The following CRACR2A variants were observed in gnomAD, a reference collection of about 807,000 sequenced individuals.
CRACR2A encodes EF-hand calcium-binding domain-containing protein 4B.
In CRACR2A, 79 loss-of-function variants were observed where a neutral mutation model predicts 90.5. The observed-to-expected ratio is 0.87, with a 90% CI of 0.73 to 1.05. CRACR2A has a LOEUF of 1.05. CRACR2A is among the 50% of genes least tolerant of loss of function. The pLI is 0.00. For synonymous variants in CRACR2A, 338 were observed against 356.7 expected, an observed-to-expected ratio of 0.95 and a Z score of 0.59; for missense variants, 823 against 897.2, an observed-to-expected ratio of 0.92 and a Z score of 1.06.
At chr12:3,687,727 T>C (rs1945586308) in intron 4 of CRACR2A, among the ~76,000 whole-genome samples, 1 of 152,210 alleles carries the variant, frequency 6.6e-6, no homozygotes, top group Non-Finnish European at 1.5e-5. Flanking sequence ...GATTGCTGGG[T>C]CCATGGTAGT....
chr12:3,634,226 C>A (rs1462847931), intron 14 of CRACR2A, among the ~76,000 whole-genome samples: 1 of 152,140 alleles, frequency 6.6e-6, no homozygotes, highest in Non-Finnish European at 1.5e-5. Flanking sequence ...CAGAGACGTC[C>A]CAGGTTGGGA....
intron 3 of CRACR2A, 137 bp from the exon 4 acceptor site, chr12:3,697,172 T>C: frequency 9.3e-7 from 1 of 1,079,204 alleles, no homozygotes; most frequent in Non-Finnish European, 1.3e-6. Flanking sequence ...ACCTCTTAAT[T>C]AGCAAAAGCT....
chr12:3,624,637 A>C (rs1290787248), intron 17 of CRACR2A, among the ~76,000 whole-genome samples: 2 of 152,184 alleles, frequency 1.3e-5, no homozygotes, highest in Non-Finnish European at 2.9e-5. Context: ...CAGAGCTCCT[A>C]GTGTGTGCTG....
At chr12:3,632,416 C>T (rs1360238771) in intron 15 of CRACR2A, among the ~76,000 whole-genome samples, 1 of 152,210 alleles carries the variant, frequency 6.6e-6, no homozygotes, top group East Asian at 1.9e-4. Flanking sequence ...CTAAGAGGCA[C>T]CACATCCTCT....
chr12:3,664,691 A>G (rs11062756), intron 7 of CRACR2A, among the ~76,000 whole-genome samples: 30,838 of 152,156 alleles, frequency 0.2, 3,864 homozygotes, highest in East Asian at 0.43. Context: ...TATTCAACCT[A>G]TCTTCTCTTA....
At chr12:3,638,510 C>G in intron 13 of CRACR2A, 56 bp from the exon 14 acceptor site, 2 of 1,468,728 alleles carry the variant, frequency 1.4e-6, no homozygotes, top group South Asian at 1.4e-5. Context: ...TATTTCAATA[C>G]GGGCTGCATA....
chr12:3,739,090 T>G (rs1946488143), intron 1 of CRACR2A, among the ~76,000 whole-genome samples: 1 of 150,858 alleles, frequency 6.6e-6, no homozygotes, highest in African/African-American at 2.4e-5. Context: ...AATGAAAATT[T>G]TAAAAGATAG....
chr12:3,677,232 G>T (rs759234672), intron 6 of CRACR2A, among the ~76,000 whole-genome samples: 9 of 152,174 alleles, frequency 5.9e-5, no homozygotes, highest in Non-Finnish European at 1.3e-4. Flanking sequence ...TCTTTAAAGA[G>T]CCCTCAAATA....
intron 1 of CRACR2A, among the ~76,000 whole-genome samples, chr12:3,744,197 A>G (rs1246664862): frequency 1.3e-5 from 2 of 152,212 alleles, no homozygotes; most frequent in African/African-American, 4.8e-5. Context: ...ACACTTTCAT[A>G]GTATGTGTGT....
intron 9 of CRACR2A, among the ~76,000 whole-genome samples, chr12:3,656,081 TG>T (rs1944900802): frequency 6.6e-6 from 1 of 152,162 alleles, no homozygotes; most frequent in Non-Finnish European, 1.5e-5. Flanking sequence ...AGATACCTCG[TG>T]GGGGAATGCT....
intron 7 of CRACR2A, among the ~76,000 whole-genome samples, chr12:3,671,534 A>G (rs976212169): frequency 2.6e-5 from 4 of 152,178 alleles, no homozygotes; most frequent in Admixed American, 2.0e-4. Context: ...ACACCCTGCT[A>G]AAATGCAGAT....
At position 3,638,329 on chromosome 12, in the gene CRACR2A, C is replaced by T. The variant is rs759439857; in HGVS notation, c.1397G>A (p.Arg466Gln). 43 of 1,551,008 alleles carry T rather than the reference C, an allele frequency of 2.8e-5. No homozygotes were observed. Among genetic ancestry groups the T allele is most frequent in the Middle Eastern group, 1.7e-4 (1 of 6,010 alleles). The change falls in exon 14 of 20, where the codon CGG (arginine) becomes CAG (glutamine). Residue 466 changes from arginine (R) to glutamine (Q), a missense_variant. Arg to Gln is a conservative substitution (Grantham distance 43). Coordinates refer to ENST00000440314, the MANE Select transcript of CRACR2A (RefSeq NM_001144958.2). The stretch of plus-strand genomic sequence containing the variant: ...AACGGAGATGATTCTGCGGAGCGGC[C>T]GGGGGTACGGACCCCCAGGCCCTGG... ...GEPGPGGPYPRPLRRIISVEE... is the reference protein window; with the variant it reads ...GEPGPGGPYPQPLRRIISVEE...
At chr12:3,627,085 T>C (rs1181991163) in intron 17 of CRACR2A, among the ~76,000 whole-genome samples, 1 of 152,152 alleles carries the variant, frequency 6.6e-6, no homozygotes, top group Admixed American at 6.5e-5. Flanking sequence ...CAAACACTGA[T>C]TTCTCCAGGA....
At chr12:3,726,093 C>T (rs1048716998) in intron 2 of CRACR2A, 3 of 152,042 alleles carry the variant, frequency 2.0e-5, no homozygotes, top group African/African-American at 7.3e-5. Context: ...AAATACAATT[C>T]CTAGAAAAGT....
chr12:3,727,618 G>A (rs573138550), intron 2 of CRACR2A: 13 of 152,250 alleles, frequency 8.5e-5, no homozygotes, highest in African/African-American at 3.1e-4. Context: ...TCGAGGTTTT[G>A]TCTTTATTCC....
chr12:3,663,934 C>T (rs1299858854), intron 7 of CRACR2A, among the ~76,000 whole-genome samples: 1 of 152,184 alleles, frequency 6.6e-6, no homozygotes, highest in Admixed American at 6.5e-5. Context: ...GTTTTGAACA[C>T]ACAGCAACAT....
Position 3,633,674 on chromosome 12 carries a change from C to G in CRACR2A, c.1665G>C (p.Ala555=), listed in dbSNP as rs777325980. The G allele has an allele frequency of 6.4e-7, 1 of 1,551,736 alleles. No individual in the cohort carries two copies. Among genetic ancestry groups the G allele is most frequent in the East Asian group, 2.4e-5 (1 of 40,908 alleles). Residue 555 remains alanine, a synonymous_variant, in exon 15 of 20, where the codon GCG becomes GCC. Transcript: ENST00000440314. This position sits in a 1 kb window ranked among gnomAD's most constrained non-coding sequence, Gnocchi z 4.5. ...LFKIVFVGNS[A]VGKTSFLRRF... is the part of the protein sequence containing the mutation. ...TCCTCAGGAAGGATGTCTTCCCCAC[C>G]GCGGAATTGCCCACGAACACAATCT...
At chr12:3,619,856 C>T (rs1944100084) in intron 17 of CRACR2A, among the ~76,000 whole-genome samples, 2 of 152,214 alleles carry the variant, frequency 1.3e-5, no homozygotes, top group African/African-American at 4.8e-5. Flanking sequence ...CACTAGAGGC[C>T]TCCTGATTGC....
At chr12:3,659,041 T>C (rs1370319358) in intron 8 of CRACR2A, among the ~76,000 whole-genome samples, 1 of 152,182 alleles carries the variant, frequency 6.6e-6, no homozygotes, top group Non-Finnish European at 1.5e-5. Flanking sequence ...AAATTTTCCA[T>C]GTGTCTAAGG....
Sources: allele counts gnomAD v4.1 joint callset (sites outside exome capture counted in the v4.1 genomes callset), GRCh38; gene constraint gnomAD v4.1.1; non-coding constraint Gnocchi (gnomAD v3.1); transcripts MANE v1.5; gene names NCBI Gene and HGNC (gene_info 2026-07-23, HGNC 2026-07-21).